Variants in PPP1R13B observed in about 807,000 individuals in gnomAD.
The protein encoded by PPP1R13B is apoptosis-stimulating of p53 protein 1.
In PPP1R13B, 44 loss-of-function variants were observed where a neutral mutation model predicts 119.8. The observed-to-expected ratio is 0.37, with a 90% CI of 0.29 to 0.47. The LOEUF (loss-of-function observed/expected upper bound fraction) is 0.47. Ranked by LOEUF, PPP1R13B falls within the 20% of genes least tolerant of loss-of-function variation. The pLI, the probability that PPP1R13B is intolerant of heterozygous loss-of-function variation, is 0.99. For synonymous variants in PPP1R13B, 542 were observed against 561.5 expected (o/e 0.97, Z 0.49); for missense variants, 1,227 against 1,413.5 (o/e 0.87, Z 2.12).
chr14:103,749,940 A>C lies in PPP1R13B; in HGVS notation c.829-6T>G. ...TGGTTAAGTTGGTTACGAATCTACA[A>C]ACCACAAAATACAACCTTTATGATT... On this transcript the variant is annotated splice_region_variant and splice_polypyrimidine_tract_variant and intron_variant, in intron 7 of 16. Transcript: ENST00000202556. The C allele has an allele frequency of 6.2e-7, 1 of 1,612,156 alleles. No individual in the cohort carries two copies. The highest frequency in any genetic ancestry group is 1.7e-5 in the Admixed American group (1 of 59,438).
intron 1 of PPP1R13B, among the ~76,000 whole-genome samples, chr14:103,800,834 G>A (rs757720476): frequency 1.3e-4 from 19 of 151,992 alleles, no homozygotes; most frequent in Admixed American, 2.0e-4. Flanking sequence ...ACTCCTCACC[G>A]TTACCATTTC....
intron 1 of PPP1R13B, among the ~76,000 whole-genome samples, chr14:103,842,096 G>A (rs963111029): frequency 6.6e-6 from 1 of 152,128 alleles, no homozygotes; most frequent in Non-Finnish European, 1.5e-5. Context: ...ACATAGTTGG[G>A]AAGAAAATGA....
At chr14:103,836,712 G>C (rs1384115437) in intron 1 of PPP1R13B, among the ~76,000 whole-genome samples, 1 of 151,152 alleles carries the variant, frequency 6.6e-6, no homozygotes, top group Non-Finnish European at 1.5e-5. Context: ...GGAGGTTGCA[G>C]TGAGCCAAGA....
intron 4 of PPP1R13B, chr14:103,763,735 T>C (rs555553554): frequency 6.6e-6 from 1 of 152,232 alleles, no homozygotes; most frequent in Non-Finnish European, 1.5e-5. Flanking sequence ...TGTGCAACCA[T>C]CACCACAACT....
chr14:103,823,932 A>G (rs2086472737), intron 1 of PPP1R13B, among the ~76,000 whole-genome samples: 1 of 150,770 alleles, frequency 6.6e-6, no homozygotes, highest in Non-Finnish European at 1.5e-5. Flanking sequence ...CCCTTTCTAC[A>G]CCACAAAACA....
At chr14:103,847,101 C>T (rs2087062656) in intron 1 of PPP1R13B, 198 bp downstream of exon 1, 2 of 986,332 alleles carry the variant, frequency 2.0e-6, no homozygotes, top group Non-Finnish European at 2.4e-6. Context: ...GCGGCCCCGG[C>T]CCCGCGCTGA....
chr14:103,843,410 T>C (rs893547464), intron 1 of PPP1R13B, among the ~76,000 whole-genome samples: 8 of 152,150 alleles, frequency 5.3e-5, no homozygotes, highest in Non-Finnish European at 1.0e-4. Context: ...CAAGGCAGTT[T>C]TCATCCTTTC....
intron 1 of PPP1R13B, among the ~76,000 whole-genome samples, chr14:103,842,168 C>T (rs1202677237): frequency 1.3e-5 from 2 of 152,012 alleles, no homozygotes; most frequent in Non-Finnish European, 2.9e-5. Flanking sequence ...AATGTCATCC[C>T]TACCCTGCAG....
At chr14:103,777,787 G>T (rs1358025846) in intron 4 of PPP1R13B, among the ~76,000 whole-genome samples, 1 of 137,218 alleles carries the variant, frequency 7.3e-6, no homozygotes, top group African/African-American at 3.0e-5. Context: ...CATTACTACC[G>T]GTAAAAAGCA....
intron 12 of PPP1R13B, 79 bp from the exon 13 acceptor site, chr14:103,739,102 G>A (rs1375727341): frequency 1.3e-6 from 2 of 1,542,218 alleles, no homozygotes; most frequent in Non-Finnish European, 1.7e-6. Context: ...GGAAGGAGTG[G>A]TGGGAGCTAA....
At position 103,740,883 on chromosome 14, in the gene PPP1R13B, G is replaced by A. The variant is rs1224500682; in HGVS notation, c.1823-290C>T. Among the ~76,000 whole-genome samples the A allele has an allele frequency of 6.6e-6, 1 of 152,284 alleles. No homozygotes were observed. Among genetic ancestry groups the A allele is most frequent in the Admixed American group, 6.5e-5 (1 of 15,298 alleles). On this transcript the variant is annotated intron_variant, in intron 11 of 16. Coordinates refer to ENST00000202556, the MANE Select transcript of PPP1R13B (RefSeq NM_015316.3). The surrounding 1 kb of genome is among the most constrained non-coding windows in gnomAD (Gnocchi z 4.6). Reference sequence around the variant, plus strand: ...GGGTGCTAACCCGACTTTTCCTGCCGCAGACAAGCCTGCCTGTTTTCTGGC... The same window carrying A: ...GGGTGCTAACCCGACTTTTCCTGCCACAGACAAGCCTGCCTGTTTTCTGGC...
intron 2 of PPP1R13B, 31 bp from the exon 3 acceptor site, chr14:103,784,945 A>G (rs1655469878): frequency 1.3e-6 from 2 of 1,528,848 alleles, no homozygotes; most frequent in African/African-American, 1.4e-5. Flanking sequence ...TTTTTACTCC[A>G]GAATTAAAAT....
rs1244292714 is a variant in PPP1R13B, at chr14:103,734,448, G to C, written c.*706C>G. ...AGCATGACAGGCTGTGAGATCGGAG[G>C]AGAAGAGTATATGCTGAGGCTCTCC... On this transcript the variant is annotated 3_prime_UTR_variant, in exon 17 of 17. Transcript: ENST00000202556. The C allele has an allele frequency of 2.2e-6, 1 of 449,324 alleles. No homozygotes were observed. The highest frequency in any genetic ancestry group is 2.0e-5 in the African/African-American group (1 of 50,074). The allele number at this position is 449,324 out of a possible 1,614,324, so 27.8% of individuals were successfully genotyped here. A position where few individuals can be genotyped will look rare whatever the true frequency, so the allele number is the denominator to read the frequency against.
intron 2 of PPP1R13B, among the ~76,000 whole-genome samples, chr14:103,785,938 T>C (rs1381561095): frequency 1.3e-5 from 2 of 152,228 alleles, no homozygotes; most frequent in African/African-American, 2.4e-5. Context: ...GGCAACATTA[T>C]TGTGAATGTT....
At chr14:103,809,666 C>T (rs2152056904) in intron 1 of PPP1R13B, among the ~76,000 whole-genome samples, 1 of 151,834 alleles carries the variant, frequency 6.6e-6, no homozygotes, top group South Asian at 2.1e-4. Context: ...ACAAAAAGCA[C>T]AAAAAATTAG....
At chr14:103,822,049 T>C (rs2086422503) in intron 1 of PPP1R13B, among the ~76,000 whole-genome samples, 1 of 152,178 alleles carries the variant, frequency 6.6e-6, no homozygotes, top group African/African-American at 2.4e-5. Context: ...CACATCTGGA[T>C]ATATGGAAAC....
intron 1 of PPP1R13B, among the ~76,000 whole-genome samples, chr14:103,834,211 C>T (rs1219480038): frequency 1.3e-5 from 2 of 152,046 alleles, no homozygotes; most frequent in Non-Finnish European, 2.9e-5. Flanking sequence ...CCCGTCTTTA[C>T]TAAAAATACA....
intron 2 of PPP1R13B, among the ~76,000 whole-genome samples, chr14:103,790,636 G>A (rs1251284952): frequency 6.6e-6 from 1 of 152,056 alleles, no homozygotes; most frequent in East Asian, 1.9e-4. Flanking sequence ...AAACTAGCCT[G>A]GGAGGTGGAG....
chr14:103,823,363 C>T (rs910038855), intron 1 of PPP1R13B, among the ~76,000 whole-genome samples: 1 of 151,136 alleles, frequency 6.6e-6, no homozygotes, highest in South Asian at 2.1e-4. Context: ...AAAAAAACAA[C>T]AGGGACAATT....
Sources: allele counts gnomAD v4.1 joint callset (sites outside exome capture counted in the v4.1 genomes callset), GRCh38; gene constraint gnomAD v4.1.1; non-coding constraint Gnocchi (gnomAD v3.1); transcripts MANE v1.5; gene names NCBI Gene and HGNC (gene_info 2026-07-23, HGNC 2026-07-21).